Variants in CTNNBL1 observed in about 807,000 individuals in gnomAD.
CTNNBL1 encodes catenin beta like 1.
CTNNBL1 carries 31 observed loss-of-function variants against 72.7 expected under a neutral mutation model. The observed-to-expected ratio is 0.43, with a 90% CI of 0.32 to 0.58. The LOEUF (loss-of-function observed/expected upper bound fraction) is 0.58, where lower values mean the gene tolerates loss of function less well. Among genes scored for constraint, CTNNBL1 ranks in the 20% least tolerant of loss-of-function variants. The pLI is 0.08. For missense variants in CTNNBL1, 534 were observed against 725.1 expected, an observed-to-expected ratio of 0.74 and a Z score of 3.03; for synonymous variants, 240 against 267.3, an observed-to-expected ratio of 0.90 and a Z score of 1.00.
At chr20:37,721,690 A>G (rs952823256) in intron 1 of CTNNBL1, among the ~76,000 whole-genome samples, 1 of 152,226 alleles carries the variant, frequency 6.6e-6, no homozygotes, top group Admixed American at 6.5e-5. Context: ...AACCTCCTTT[A>G]GAAGCAATCA....
intron 11 of CTNNBL1, among the ~76,000 whole-genome samples, chr20:37,825,131 T>A (rs998815914): frequency 3.3e-5 from 5 of 152,172 alleles, no homozygotes; most frequent in African/African-American, 1.2e-4. Flanking sequence ...GGCGGGCAGA[T>A]CACCTGAGGT....
At chr20:37,708,724 G>A (rs77446732) in intron 1 of CTNNBL1, among the ~76,000 whole-genome samples, 108 of 152,236 alleles carry the variant, frequency 7.1e-4, no homozygotes, top group African/African-American at 2.5e-3. Flanking sequence ...CTACTGCAGT[G>A]CCTTTCTATC....
At chr20:37,830,911 C>T (rs2072203305) in intron 11 of CTNNBL1, among the ~76,000 whole-genome samples, 1 of 152,204 alleles carries the variant, frequency 6.6e-6, no homozygotes, top group Admixed American at 6.5e-5. Flanking sequence ...TGTACGGTTT[C>T]TACTGAGTGC....
intron 13 of CTNNBL1, among the ~76,000 whole-genome samples, chr20:37,857,907 C>T (rs138355222): frequency 7.3e-4 from 111 of 152,338 alleles, no homozygotes; most frequent in African/African-American, 2.6e-3. Context: ...AACCAGATGT[C>T]TGACTGGATG....
In CTNNBL1 at chr20:37,720,279, C is replaced by T. The variant is rs185358055; in HGVS notation, c.31-12600C>T. Among the ~76,000 whole-genome samples the T allele has an allele frequency of 5.3e-5, 8 of 152,292 alleles. No individual in the cohort carries two copies. In the East Asian group the frequency reaches 1.5e-3, roughly 29 times the overall value. On this transcript the variant is annotated intron_variant, in intron 1 of 15. Coordinates refer to ENST00000361383, the MANE Select transcript of CTNNBL1 (RefSeq NM_030877.5). ...TCCTGACCTCGTGATCCGCCCATCT[C>T]ACCCTCCCAAAGTGCTGGGATTACA...
chr20:37,830,936 C>CCAT (rs1373760793), intron 11 of CTNNBL1, among the ~76,000 whole-genome samples: 4 of 152,170 alleles, frequency 2.6e-5, no homozygotes, highest in Non-Finnish European at 5.9e-5. Context: ...TGCATTTGCA[C>CCAT]CATCGTAAAG....
intron 1 of CTNNBL1, among the ~76,000 whole-genome samples, chr20:37,724,486 A>G (rs2073066726): frequency 6.6e-6 from 1 of 152,180 alleles, no homozygotes; most frequent in Non-Finnish European, 1.5e-5. Flanking sequence ...TCCTCAATTG[A>G]ATGAGCTTCC....
chr20:37,718,437 A>C, intron 1 of CTNNBL1, among the ~76,000 whole-genome samples: 1 of 110,900 alleles, frequency 9.0e-6, no homozygotes. Flanking sequence ...TCCCTCCCGG[A>C]CGGGGTGGCT....
At chr20:37,793,086 AC>A (rs1173917183) in intron 10 of CTNNBL1, among the ~76,000 whole-genome samples, 7 of 152,188 alleles carry the variant, frequency 4.6e-5, no homozygotes, top group African/African-American at 1.7e-4. Flanking sequence ...AATATTGTAT[AC>A]TTGAATATGT....
chr20:37,805,343 C>T (rs540088942), intron 11 of CTNNBL1, among the ~76,000 whole-genome samples: 2 of 152,308 alleles, frequency 1.3e-5, no homozygotes, highest in Admixed American at 1.3e-4. Context: ...TTTTTCTCCA[C>T]CCTGTCTGCC....
Position 37,733,110 on chromosome 20 carries a change from G to A in CTNNBL1, c.219+43G>A, listed in dbSNP as rs1158821585. 3.8e-6 allele frequency: 6 copies of A among 1,576,180 alleles called. No individual in the cohort carries two copies. The South Asian group carries it at 5.6e-5, about 15-fold the overall frequency. On this transcript the variant is annotated intron_variant, in intron 2 of 15. Transcript: ENST00000361383. ...GGTGGGAGCTGAGATGGCTGGCCCT[G>A]TAAAACGTAATTTTGGGCCAAATAC...
At chr20:37,825,181 C>T (rs922829752) in intron 11 of CTNNBL1, among the ~76,000 whole-genome samples, 30 of 152,162 alleles carry the variant, frequency 2.0e-4, no homozygotes, top group Non-Finnish European at 2.9e-4. Context: ...GGTGAAACCC[C>T]ATCCCTACTA....
chr20:37,700,501 T>C (rs1049566815), intron 1 of CTNNBL1, among the ~76,000 whole-genome samples: 1 of 152,174 alleles, frequency 6.6e-6, no homozygotes, highest in Non-Finnish European at 1.5e-5. Context: ...CCTTGACATA[T>C]GTTAACTATT....
intron 1 of CTNNBL1, among the ~76,000 whole-genome samples, chr20:37,718,416 AC>A (rs1357763454): frequency 9.4e-6 from 1 of 106,132 alleles, no homozygotes; most frequent in Non-Finnish European, 1.9e-5. Context: ...CGGGGGGCTG[AC>A]CCCCCCACCT....
intron 4 of CTNNBL1, chr20:37,751,651 C>T (rs772854280): frequency 1.7e-4 from 26 of 152,100 alleles, no homozygotes; most frequent in Non-Finnish European, 3.1e-4. Context: ...TGAGACTTAC[C>T]GTGTTATCCC....
intron 4 of CTNNBL1, among the ~76,000 whole-genome samples, chr20:37,755,906 G>A (rs1183320892): frequency 3.9e-5 from 6 of 152,124 alleles, no homozygotes; most frequent in African/African-American, 9.7e-5. Context: ...GCTTTAGTGC[G>A]TCCTGCACAC....
chr20:37,851,764 G>A (rs932909771), intron 13 of CTNNBL1, among the ~76,000 whole-genome samples: 5 of 152,198 alleles, frequency 3.3e-5, no homozygotes, highest in South Asian at 2.1e-4. Flanking sequence ...TGAGAAATCC[G>A]TGAAAGTGCT....
At chr20:37,818,317 T>C (rs1222286763) in intron 11 of CTNNBL1, among the ~76,000 whole-genome samples, 1 of 152,114 alleles carries the variant, frequency 6.6e-6, no homozygotes, top group African/African-American at 2.4e-5. Flanking sequence ...TTGGAAGCAC[T>C]GAAGGAGGAA....
intron 3 of CTNNBL1, among the ~76,000 whole-genome samples, chr20:37,741,021 T>A (rs1424645681): frequency 6.6e-6 from 1 of 152,238 alleles, no homozygotes; most frequent in Non-Finnish European, 1.5e-5. Context: ...GCTGGTCATT[T>A]GCTGATATTC....
Sources: gnomAD v4.1 joint callset for allele counts (sites outside exome capture counted in the v4.1 genomes callset) on GRCh38, gnomAD v4.1.1 for gene constraint, MANE v1.5 for transcripts, NCBI Gene and HGNC (gene_info 2026-07-23, HGNC 2026-07-21) for gene names.